GPHN: variants seen among roughly 807,000 people sequenced by gnomAD.
GPHN encodes gephyrin.
GPHN carries 17 observed loss-of-function variants against 95.5 expected under a neutral mutation model. The ratio of observed to expected loss-of-function variants is 0.18; its 90% confidence interval spans 0.12 to 0.27. The LOEUF is 0.27. Among genes scored for constraint, GPHN ranks in the 10% least tolerant of loss-of-function variants. GPHN has a pLI of 1.00. For missense variants in GPHN, 660 were observed against 978.1 expected, an observed-to-expected ratio of 0.67 and a Z score of 4.34; for synonymous variants, 320 against 322.5, an observed-to-expected ratio of 0.99 and a Z score of 0.08.
the GPHN span, among the ~76,000 whole-genome samples, chr14:67,438,866 A>C: frequency 6.6e-6 from 1 of 151,652 alleles, no homozygotes; most frequent in South Asian, 2.1e-4. Context: ...GTCTCAAAAA[A>C]AAAAAAAAAA....
intron 4 of GPHN, among the ~76,000 whole-genome samples, chr14:66,855,136 C>T (rs907166771): frequency 2.0e-5 from 3 of 152,124 alleles, no homozygotes; most frequent in African/African-American, 4.8e-5. Flanking sequence ...CATGAGCCAC[C>T]GTGCCTGGCC....
the GPHN span, among the ~76,000 whole-genome samples, chr14:67,189,194 T>C: frequency 2.6e-5 from 4 of 152,200 alleles, no homozygotes; most frequent in Admixed American, 2.6e-4. Flanking sequence ...AAATTGACTT[T>C]TCTCTCCAAG....
chr14:67,345,901 AT>A, the GPHN span: 1 of 1,410,882 alleles, frequency 7.1e-7, no homozygotes. Context: ...AACATTTTTA[AT>A]TAGAGTAAAA....
At chr14:66,731,919 G>A (rs2071801799) in intron 2 of GPHN, among the ~76,000 whole-genome samples, 1 of 152,208 alleles carries the variant, frequency 6.6e-6, no homozygotes, top group Non-Finnish European at 1.5e-5. Context: ...AAGGGGCCAA[G>A]GTACAGTTTG....
chr14:66,646,993 C>T (rs868725195), intron 1 of GPHN, among the ~76,000 whole-genome samples: 4 of 151,802 alleles, frequency 2.6e-5, no homozygotes, highest in Non-Finnish European at 4.4e-5. Context: ...AGCTCCCAGG[C>T]TGAAGCAATC....
chr14:66,725,762 G>A (rs1481974461), intron 2 of GPHN, among the ~76,000 whole-genome samples: 1 of 152,122 alleles, frequency 6.6e-6, no homozygotes, highest in Non-Finnish European at 1.5e-5. Flanking sequence ...CAGTTTTTGT[G>A]TATTCAATTA....
intron 2 of GPHN, among the ~76,000 whole-genome samples, chr14:66,747,417 G>T (rs1002297680): frequency 1.3e-5 from 2 of 152,062 alleles, no homozygotes; most frequent in Non-Finnish European, 2.9e-5. Flanking sequence ...GATAAAGTTT[G>T]TGGAAGATTT....
At chr14:67,633,752 T>A in the GPHN span, among the ~76,000 whole-genome samples, 2 of 152,354 alleles carry the variant, frequency 1.3e-5, no homozygotes, top group East Asian at 3.9e-4. Flanking sequence ...CTCTTTGCAG[T>A]CCTCTAGGTG....
At chr14:67,534,925 C>T in the GPHN span, among the ~76,000 whole-genome samples, 1 of 152,170 alleles carries the variant, frequency 6.6e-6, no homozygotes, top group Non-Finnish European at 1.5e-5. Context: ...ATATTCATTG[C>T]AGCATTGTTT....
chr14:67,018,794 T>C lies in GPHN; in HGVS notation c.964-4839T>C, dbSNP rs146659316. ...TTTCATTTTTATAGCTTAAAATCACTGATGAATGCATTATCTCCTTTGAGC... is the reference window on the plus strand; with the variant it reads ...TTTCATTTTTATAGCTTAAAATCACCGATGAATGCATTATCTCCTTTGAGC... On this transcript the variant is annotated intron_variant, in intron 9 of 22. Transcript: ENST00000478722. 1.1e-3 allele frequency among the ~76,000 whole-genome samples: 170 copies of C among 152,338 alleles called. 5 individuals carry two copies. The East Asian group carries it at 0.031, about 28-fold the overall frequency.
the GPHN span, among the ~76,000 whole-genome samples, chr14:67,351,615 C>T: frequency 2.0e-5 from 3 of 152,094 alleles, no homozygotes; most frequent in African/African-American, 7.2e-5. Flanking sequence ...CTCAGGCAAT[C>T]CTCCTGCCTC....
intron 1 of GPHN, among the ~76,000 whole-genome samples, chr14:66,525,809 T>C (rs371935247): frequency 2.4e-4 from 36 of 152,294 alleles, no homozygotes; most frequent in African/African-American, 7.2e-4. Flanking sequence ...TGTGTGATGT[T>C]ATTTCTGAGG....
chr14:67,024,409 A>G (rs2073820371), intron 10 of GPHN, among the ~76,000 whole-genome samples: 1 of 152,204 alleles, frequency 6.6e-6, no homozygotes, highest in African/African-American at 2.4e-5. Flanking sequence ...ACATCATTCC[A>G]TCTTCTTCCT....
rs757797221 is a variant in GPHN, at chr14:66,985,757, T to C, written c.963+20432T>C. ...CCTCAAAGTAAATATGTTTCTAACA[T>C]TTTTTGGCAAGATTTCGTCTATAGC... On this transcript the variant is annotated intron_variant, in intron 9 of 22. Coordinates refer to ENST00000478722, the MANE Select transcript of GPHN (RefSeq NM_020806.5). 2.8e-4 allele frequency: 406 copies of C among 1,474,574 alleles called. 1 individual carries two copies. The highest frequency in any genetic ancestry group is 1.7e-3 in the Middle Eastern group (10 of 5,844). 91.3% of individuals were successfully genotyped at this position (1,474,574 alleles called of 1,614,324 possible). A position where few individuals can be genotyped will look rare whatever the true frequency, so the allele number is the denominator to read the frequency against.
chr14:66,598,732 C>T (rs571290324), intron 1 of GPHN, among the ~76,000 whole-genome samples: 1 of 151,990 alleles, frequency 6.6e-6, no homozygotes, highest in South Asian at 2.1e-4. Context: ...GTAATCCCAG[C>T]TACTCAGGTG....
chr14:66,524,307 T>A (rs1395631013), intron 1 of GPHN, among the ~76,000 whole-genome samples: 1 of 152,090 alleles, frequency 6.6e-6, no homozygotes. Context: ...AACTTTAAAT[T>A]AGTAGATGAG....
the GPHN span, chr14:67,586,187 T>C: frequency 2.8e-6 from 4 of 1,420,274 alleles, no homozygotes; most frequent in African/African-American, 1.4e-5. Flanking sequence ...GCTAGTGCTC[T>C]GCAAGGGCCC....
chr14:66,532,246 G>GT (rs888138626), intron 1 of GPHN, among the ~76,000 whole-genome samples: 1 of 152,204 alleles, frequency 6.6e-6, no homozygotes. Flanking sequence ...GGTGGCATTT[G>GT]TTGGGGTTCT....
chr14:66,879,751 T>C (rs1596257256), intron 4 of GPHN, among the ~76,000 whole-genome samples, 188 bp from the exon 5 acceptor site: 1 of 152,112 alleles, frequency 6.6e-6, no homozygotes, highest in African/African-American at 2.4e-5. Flanking sequence ...ATTTTCTTGG[T>C]CCTCAGCTTT....
Sources: allele counts gnomAD v4.1 joint callset (sites outside exome capture counted in the v4.1 genomes callset), GRCh38; gene constraint gnomAD v4.1.1; transcripts MANE v1.5; gene names NCBI Gene and HGNC (gene_info 2026-07-23, HGNC 2026-07-21).